The following DPP10 variants were observed in gnomAD, a reference collection of about 807,000 sequenced individuals.
DPP10 encodes the protein inactive dipeptidyl peptidase 10.
DPP10 carries 33 observed loss-of-function variants against 120.9 expected under a neutral mutation model. That is an observed-to-expected ratio of 0.27 (90% CI 0.21 to 0.37). The LOEUF is 0.37. Among genes scored for constraint, DPP10 ranks in the 10% least tolerant of loss-of-function variants. The probability of loss-of-function intolerance (pLI) is 1.00; values close to 1 mark genes in which losing one functional copy is unlikely to be tolerated. For missense variants in DPP10, 816 were observed against 942.8 expected, an observed-to-expected ratio of 0.87 and a Z score of 1.76; for synonymous variants, 337 against 326.1, an observed-to-expected ratio of 1.03 and a Z score of -0.36.
intron 1 of DPP10, among the ~76,000 whole-genome samples, chr2:115,286,546 A>G (rs549845431): frequency 2.6e-5 from 2 of 76,682 alleles, no homozygotes; most frequent in Non-Finnish European, 6.4e-5. Flanking sequence ...TATATAAAAT[A>G]TATACAGAAG....
chr2:115,603,561 TTTTTTTTTG>T (rs1372243111), intron 5 of DPP10, among the ~76,000 whole-genome samples: 2 of 1,460 alleles, frequency 1.4e-3, no homozygotes, highest in Non-Finnish European at 8.5e-3. Flanking sequence ...GTTGTTGTTG[TTTTTTTTTG>T]TTTTTTTTTT....
chr2:114,827,020 G>A (rs1349253370), intron 1 of DPP10, among the ~76,000 whole-genome samples: 1 of 152,074 alleles, frequency 6.6e-6, no homozygotes, highest in Non-Finnish European at 1.5e-5. Flanking sequence ...ATGAGGATCT[G>A]GGAGGTGGTG....
intron 1 of DPP10, among the ~76,000 whole-genome samples, chr2:115,303,044 C>T (rs1169255654): frequency 1.3e-5 from 2 of 151,952 alleles, no homozygotes; most frequent in Non-Finnish European, 2.9e-5. Flanking sequence ...TCTCCTAATA[C>T]TAGACAATAG....
intron 1 of DPP10, among the ~76,000 whole-genome samples, chr2:114,728,992 T>C (rs1225966349): frequency 2.0e-5 from 3 of 152,178 alleles, no homozygotes; most frequent in African/African-American, 7.2e-5. Flanking sequence ...TTCTTTGGCA[T>C]GTGATTCCAG....
intron 3 of DPP10, among the ~76,000 whole-genome samples, chr2:115,425,636 A>G (rs1172246709): frequency 6.6e-6 from 1 of 152,192 alleles, no homozygotes; most frequent in East Asian, 1.9e-4. Flanking sequence ...TTGAAAATTA[A>G]CTCAACCATT....
In DPP10 at chr2:114,506,402, T is replaced by G. The variant is rs181364121; in HGVS notation, c.60+63564T>G. The stretch of plus-strand genomic sequence containing the variant: ...TCATCGGTAATAAAATCCCCTGCAC[T>G]TACCATCTCCAATTTGTTCCTGTGA... On this transcript the variant is annotated intron_variant, in intron 1 of 25. Transcript: ENST00000410059. Among the ~76,000 whole-genome samples the G allele has an allele frequency of 2.8e-4, 42 of 152,288 alleles. No homozygotes were observed. In the East Asian group the frequency reaches 3.7e-3, roughly 13 times the overall value.
At chr2:114,746,913 T>C (rs144560395) in intron 1 of DPP10, among the ~76,000 whole-genome samples, 1 of 152,200 alleles carries the variant, frequency 6.6e-6, no homozygotes, top group Non-Finnish European at 1.5e-5. Flanking sequence ...AACCTGTCAA[T>C]GAAACATTGT....
intron 19 of DPP10, among the ~76,000 whole-genome samples, chr2:115,805,120 C>G (rs1046406346): frequency 6.6e-6 from 1 of 152,154 alleles, no homozygotes; most frequent in Admixed American, 6.5e-5. Flanking sequence ...CTACTCAAGC[C>G]TCAGCAATGG....
intron 1 of DPP10, among the ~76,000 whole-genome samples, chr2:114,642,587 A>G (rs559043144): frequency 1.3e-5 from 2 of 152,060 alleles, no homozygotes; most frequent in South Asian, 4.1e-4. Flanking sequence ...CCCCCAGGCC[A>G]TAGGCATGTC....
intron 3 of DPP10, among the ~76,000 whole-genome samples, chr2:115,351,227 G>C (rs2064012188): frequency 6.6e-6 from 1 of 152,060 alleles, no homozygotes; most frequent in African/African-American, 2.4e-5. Flanking sequence ...GCAGCAACAT[G>C]GATGCAGCAG....
chr2:115,671,129 A>G (rs1249532262), intron 5 of DPP10, among the ~76,000 whole-genome samples: 1 of 152,102 alleles, frequency 6.6e-6, no homozygotes, highest in Non-Finnish European at 1.5e-5. Context: ...TTCATTGTTC[A>G]TAAAATTATA....
intron 3 of DPP10, among the ~76,000 whole-genome samples, chr2:115,411,280 C>T (rs1390691977): frequency 6.6e-6 from 1 of 151,870 alleles, no homozygotes; most frequent in South Asian, 2.1e-4. Flanking sequence ...TGCAGTGAGC[C>T]GAGATTGCTC....
chr2:115,673,791 C>T (rs971635385), intron 5 of DPP10, among the ~76,000 whole-genome samples: 1 of 152,148 alleles, frequency 6.6e-6, no homozygotes, highest in Non-Finnish European at 1.5e-5. Context: ...AGAGTCACTG[C>T]CTTATCTATA....
intron 3 of DPP10, among the ~76,000 whole-genome samples, chr2:115,473,217 T>C (rs1023739884): frequency 1.2e-4 from 19 of 152,206 alleles, no homozygotes; most frequent in African/African-American, 9.6e-5. Context: ...TCATACATAG[T>C]AGATGCCTAA....
chr2:115,234,138 A>AT (rs869037012), intron 1 of DPP10, among the ~76,000 whole-genome samples: 1 of 152,020 alleles, frequency 6.6e-6, no homozygotes, highest in African/African-American at 2.4e-5. Flanking sequence ...TGTTTATTAT[A>AT]TTTTTTCTGC....
intron 5 of DPP10, among the ~76,000 whole-genome samples, chr2:115,576,476 G>A (rs2081663458): frequency 6.6e-6 from 1 of 152,128 alleles, no homozygotes; most frequent in Admixed American, 6.5e-5. Context: ...ATAGTCTTAT[G>A]AAAATTGCTT....
intron 4 of DPP10, among the ~76,000 whole-genome samples, chr2:115,513,348 T>A (rs1337564485): frequency 6.6e-6 from 1 of 151,920 alleles, no homozygotes; most frequent in Non-Finnish European, 1.5e-5. Flanking sequence ...ACATTTTGAT[T>A]CATGTGTTTA....
At chr2:115,364,440 A>C (rs113828507) in intron 3 of DPP10, among the ~76,000 whole-genome samples, 36 of 151,584 alleles carry the variant, frequency 2.4e-4, no homozygotes, top group African/African-American at 8.5e-4. Flanking sequence ...CAAATCACAT[A>C]AAGAGGAGCC....
At chr2:115,187,098 G>A (rs998742683) in intron 1 of DPP10, among the ~76,000 whole-genome samples, 3 of 125,038 alleles carry the variant, frequency 2.4e-5, no homozygotes, top group Non-Finnish European at 4.8e-5. Context: ...CTGCAATGGC[G>A]CAATCTCGGC....
Sources: gnomAD v4.1 joint callset for allele counts (sites outside exome capture counted in the v4.1 genomes callset) on GRCh38, gnomAD v4.1.1 for gene constraint, MANE v1.5 for transcripts, NCBI Gene and HGNC (gene_info 2026-07-23, HGNC 2026-07-21) for gene names.